The following AMPH variants were observed in gnomAD, a reference collection of about 807,000 sequenced individuals.
AMPH encodes amphiphysin (Stiff-Mann syndrome with breast cancer 128kD autoantigen).
In AMPH, 49 loss-of-function variants were observed where a neutral mutation model predicts 99.1. The ratio of observed to expected loss-of-function variants is 0.49; its 90% CI spans 0.39 to 0.63. The LOEUF (loss-of-function observed/expected upper bound fraction) is 0.63. Among genes scored for constraint, AMPH ranks in the 20% least tolerant of loss-of-function variants. AMPH has a pLI of 0.00. For missense variants in AMPH, 759 were observed against 863.4 expected (o/e 0.88, Z 1.52); for synonymous variants, 314 against 317.3 (o/e 0.99, Z 0.11).
At chr7:38,456,837 A>G (rs778842017) in intron 11 of AMPH, among the ~76,000 whole-genome samples, 2 of 152,132 alleles carry the variant, frequency 1.3e-5, no homozygotes, top group African/African-American at 4.8e-5. Context: ...CCCACATTGG[A>G]GCCAAGCACA....
chr7:38,501,518 A>G (rs1171532949), intron 3 of AMPH, among the ~76,000 whole-genome samples: 1 of 152,210 alleles, frequency 6.6e-6, no homozygotes, highest in Non-Finnish European at 1.5e-5. Context: ...TAAAATGAAG[A>G]TAATAAAACT....
chr7:38,592,553 A>T (rs1792894317), intron 1 of AMPH, among the ~76,000 whole-genome samples: 1 of 152,104 alleles, frequency 6.6e-6, no homozygotes, highest in Admixed American at 6.5e-5. Flanking sequence ...CAATATGGTG[A>T]AACCCTGTCT....
chr7:38,516,678 C>T (rs970039444), intron 2 of AMPH, among the ~76,000 whole-genome samples: 2 of 152,230 alleles, frequency 1.3e-5, no homozygotes, highest in South Asian at 2.1e-4. Flanking sequence ...GGGCCACAGT[C>T]CTCCAGACCC....
chr7:38,480,223 T>A (rs1562782378), intron 5 of AMPH, among the ~76,000 whole-genome samples: 1 of 152,130 alleles, frequency 6.6e-6, no homozygotes, highest in Non-Finnish European at 1.5e-5. Flanking sequence ...CCGAAATTGC[T>A]CAGCAAGTCT....
intron 17 of AMPH, among the ~76,000 whole-genome samples, chr7:38,407,074 ATATGTGTG>A (rs1359362204): frequency 3.1e-5 from 1 of 32,274 alleles, no homozygotes; most frequent in Non-Finnish European, 6.0e-5. Flanking sequence ...ATATATATAT[ATATGTGTG>A]TGTGTGTGTG....
intron 1 of AMPH, among the ~76,000 whole-genome samples, chr7:38,542,092 G>T (rs998368897): frequency 2.6e-5 from 4 of 152,148 alleles, no homozygotes; most frequent in African/African-American, 9.7e-5. Flanking sequence ...GAGGAATATT[G>T]ATCTGGCAAA....
chr7:38,503,534 C>T, intron 3 of AMPH, 116 bp downstream of exon 3: 1 of 862,630 alleles, frequency 1.2e-6, no homozygotes, highest in Non-Finnish European at 1.8e-6. Flanking sequence ...TGTGTTCAAG[C>T]ATCCATCTTG....
chr7:38,402,843 T>C (rs919076610), intron 17 of AMPH, among the ~76,000 whole-genome samples: 64 of 152,230 alleles, frequency 4.2e-4, no homozygotes, highest in African/African-American at 1.4e-3. Context: ...TTCTAGAATA[T>C]ACTTTTGAAA....
At chr7:38,540,922 C>T (rs1031217450) in intron 1 of AMPH, among the ~76,000 whole-genome samples, 8 of 148,352 alleles carry the variant, frequency 5.4e-5, no homozygotes, top group Admixed American at 1.4e-4. Flanking sequence ...ACTCACGCTT[C>T]CTTGAGCCAG....
At chr7:38,615,812 G>T (rs1028163785) in intron 1 of AMPH, among the ~76,000 whole-genome samples, 3 of 152,148 alleles carry the variant, frequency 2.0e-5, no homozygotes, top group African/African-American at 7.2e-5. Context: ...GACACAGCAG[G>T]TTAGCTACTG....
chr7:38,540,754 G>A (rs67142413), intron 1 of AMPH, among the ~76,000 whole-genome samples: 6,264 of 128,916 alleles, frequency 0.049, 188 homozygotes, highest in African/African-American at 0.088. Flanking sequence ...GGCAGTTGAC[G>A]AGAGGAAAGG....
intron 3 of AMPH, 62 bp from the exon 4 acceptor site, chr7:38,494,589 C>T: frequency 1.4e-6 from 2 of 1,446,972 alleles, no homozygotes; most frequent in Non-Finnish European, 9.7e-7. Context: ...CTTCTCCCTT[C>T]CTCCACTTTC....
intron 14 of AMPH, among the ~76,000 whole-genome samples, 164 bp from the exon 15 acceptor site, chr7:38,427,150 C>T (rs1785808418): frequency 6.7e-6 from 1 of 148,398 alleles, no homozygotes; most frequent in African/African-American, 2.5e-5. Context: ...AAAGGCCACA[C>T]TGTATGATTT....
At chr7:38,406,727 TTTCC>T (rs1283612751) in intron 17 of AMPH, among the ~76,000 whole-genome samples, 922 of 62,862 alleles carry the variant, frequency 0.015, 7 homozygotes, top group East Asian at 0.032. Context: ...TCTCTCTCCC[TTTCC>T]CTCTCTCTCT....
chr7:38,555,249 T>TAAAAAAAAA (rs35861878), intron 1 of AMPH, among the ~76,000 whole-genome samples: 1 of 145,104 alleles, frequency 6.9e-6, no homozygotes. Context: ...TAACACAATT[T>TAAAAAAAAA]AAAAAAAAAA....
intron 7 of AMPH, among the ~76,000 whole-genome samples, chr7:38,474,184 G>A (rs1324923259): frequency 6.6e-6 from 1 of 151,856 alleles, no homozygotes; most frequent in Non-Finnish European, 1.5e-5. Context: ...TGGCTCTTTG[G>A]TTTCCTGTAG....
At chr7:38,620,548 TACACACACACACACACAC>T (rs201765719) in intron 1 of AMPH, among the ~76,000 whole-genome samples, 4 of 133,100 alleles carry the variant, frequency 3.0e-5, no homozygotes, top group African/African-American at 1.1e-4. Flanking sequence ...TATACATACA[TACACACACACACACACAC>T]ACACACACAC....
intron 1 of AMPH, among the ~76,000 whole-genome samples, chr7:38,624,665 C>CAA (rs11378374): frequency 6.7e-6 from 1 of 150,302 alleles, no homozygotes; most frequent in African/African-American, 2.4e-5. Flanking sequence ...AGAAGATGGG[C>CAA]AAAAAAATAA....
At chr7:38,598,015 T>A (rs771818534) in intron 1 of AMPH, among the ~76,000 whole-genome samples, 1 of 152,230 alleles carries the variant, frequency 6.6e-6, no homozygotes, top group Non-Finnish European at 1.5e-5. Context: ...ATAGAGCATA[T>A]AGAATAAAGC....
Sources: allele counts gnomAD v4.1 joint callset (sites outside exome capture counted in the v4.1 genomes callset), GRCh38; gene constraint gnomAD v4.1.1; transcripts MANE v1.5; gene names NCBI Gene and HGNC (gene_info 2026-07-23, HGNC 2026-07-21).